POLK: variants seen among roughly 807,000 people sequenced by gnomAD.
POLK encodes DNA polymerase kappa.
In POLK, 76 loss-of-function variants were observed where a neutral mutation model predicts 94.0. The observed-to-expected ratio is 0.81, with a 90% CI of 0.67 to 0.98. The LOEUF (loss-of-function observed/expected upper bound fraction) is 0.98, where lower values mean the gene tolerates loss of function less well. POLK is among the 50% of genes least tolerant of loss of function. The probability of loss-of-function intolerance (pLI) is 0.00; values close to 1 mark genes in which losing one functional copy is unlikely to be tolerated. For missense variants in POLK, 954 were observed against 1,010.1 expected, an observed-to-expected ratio of 0.94 and a Z score of 0.75; for synonymous variants, 349 against 325.4, an observed-to-expected ratio of 1.07 and a Z score of -0.78.
At chr5:75,553,402 C>T (rs1343975632) in intron 3 of POLK, among the ~76,000 whole-genome samples, 1 of 148,128 alleles carries the variant, frequency 6.8e-6, no homozygotes, top group Non-Finnish European at 1.5e-5. Context: ...CTACAAAATC[C>T]TTCTCTTGTG....
At chr5:75,546,951 G>A in intron 1 of POLK, 59 bp from the exon 2 acceptor site, 1 of 865,026 alleles carries the variant, frequency 1.2e-6, no homozygotes, top group Non-Finnish European at 1.7e-6. Context: ...ACGGGCATGA[G>A]CCACCACGCC....
Position 75,589,434 on chromosome 5 carries a change from C to T in POLK, c.1260-910C>T, listed in dbSNP as rs570576924. 1.3e-3 allele frequency among the ~76,000 whole-genome samples: 186 copies of T among 143,644 alleles called. 1 individual carries two copies. The East Asian group carries it at 0.028, about 22-fold the overall frequency. 94.2% of individuals were successfully genotyped at this position (143,644 alleles called of 152,430 possible). The stretch of plus-strand genomic sequence containing the variant: ...ACACACACACACACACACACACACA[C>T]ACACGTGGAATATTTCTTTTTTTTG... On this transcript the variant is annotated intron_variant, in intron 10 of 14. Transcript: ENST00000241436.
intron 6 of POLK, chr5:75,580,533 T>C (rs957863740): frequency 1.2e-4 from 87 of 723,112 alleles, no homozygotes; most frequent in Non-Finnish European, 1.4e-4. Flanking sequence ...TCTCTTTTTC[T>C]TAAACTTGGA....
At chr5:75,597,822 T>A in intron 14 of POLK, 33 bp downstream of exon 14, 1 of 1,377,008 alleles carries the variant, frequency 7.3e-7, no homozygotes. Context: ...TAAAGCTGGC[T>A]ACAATATGAA....
intron 1 of POLK, among the ~76,000 whole-genome samples, chr5:75,523,013 A>G (rs1176332000): frequency 1.3e-5 from 2 of 152,178 alleles, no homozygotes; most frequent in African/African-American, 2.4e-5. Flanking sequence ...CTTCAATTTT[A>G]TTTTACAACC....
intron 3 of POLK, among the ~76,000 whole-genome samples, chr5:75,567,331 A>G (rs867960748): frequency 3.3e-5 from 5 of 152,006 alleles, no homozygotes; most frequent in South Asian, 4.1e-4. Context: ...TTTAGTTTAC[A>G]TTTGTTTTTG....
At chr5:75,526,936 G>A (rs1268450259) in intron 1 of POLK, among the ~76,000 whole-genome samples, 1 of 152,162 alleles carries the variant, frequency 6.6e-6, no homozygotes, top group Non-Finnish European at 1.5e-5. Flanking sequence ...GTAAAAGGTA[G>A]AGGTATCTAA....
At chr5:75,515,681 A>G (rs549633383) in intron 1 of POLK, among the ~76,000 whole-genome samples, 1 of 152,238 alleles carries the variant, frequency 6.6e-6, no homozygotes, top group Non-Finnish European at 1.5e-5. Context: ...AGGAACCTCC[A>G]TACTGTATTC....
chr5:75,570,136 G>A (rs1370916467), intron 4 of POLK, among the ~76,000 whole-genome samples: 1 of 152,130 alleles, frequency 6.6e-6, no homozygotes. Context: ...TGTCTTCCAC[G>A]AAACCAGTCT....
At chr5:75,532,988 C>T (rs1769254787) in intron 1 of POLK, among the ~76,000 whole-genome samples, 1 of 152,118 alleles carries the variant, frequency 6.6e-6, no homozygotes, top group African/African-American at 2.4e-5. Flanking sequence ...GGATATTAGA[C>T]CTTTCTTGGA....
chr5:75,550,430 T>G (rs1188876451), intron 2 of POLK, among the ~76,000 whole-genome samples: 1 of 151,762 alleles, frequency 6.6e-6, no homozygotes, highest in African/African-American at 2.4e-5. Flanking sequence ...AATACAAAAA[T>G]AAGCCAGGCG....
intron 2 of POLK, among the ~76,000 whole-genome samples, chr5:75,547,891 C>T (rs546232099): frequency 6.6e-6 from 1 of 152,242 alleles, no homozygotes; most frequent in South Asian, 2.1e-4. Flanking sequence ...TATAGTATAG[C>T]ATTAATTTGT....
intron 7 of POLK, 111 bp downstream of exon 7, chr5:75,581,559 T>C (rs1169813145): frequency 1.1e-6 from 1 of 919,488 alleles, no homozygotes; most frequent in Non-Finnish European, 1.6e-6. Flanking sequence ...TTTTACTTAC[T>C]TAGTCTTTCA....
chr5:75,553,927 A>G (rs1770460505), intron 3 of POLK, among the ~76,000 whole-genome samples: 2 of 152,182 alleles, frequency 1.3e-5, no homozygotes, highest in African/African-American at 4.8e-5. Context: ...GCTGATTATC[A>G]TTTAGAGACC....
chr5:75,519,808 G>T (rs562050417), intron 1 of POLK, among the ~76,000 whole-genome samples: 1 of 152,072 alleles, frequency 6.6e-6, no homozygotes, highest in Non-Finnish European at 1.5e-5. Flanking sequence ...TGTATGGTTT[G>T]GTCTTGTTTC....
rs1333452100 is a variant in POLK at position 75,587,023 on chromosome 5, A to G, written c.1227-3A>G. On this transcript the variant is annotated splice_polypyrimidine_tract_variant and splice_region_variant and intron_variant, in intron 9 of 14. Coordinates refer to ENST00000241436, the Ensembl canonical transcript of POLK. Reference sequence around the variant, plus strand: ...AATAAAGACCTTTTTTTTTCATTTCAAGGGATGGAGAGAGGAAAAGTATGA... The same window carrying G: ...AATAAAGACCTTTTTTTTTCATTTCGAGGGATGGAGAGAGGAAAAGTATGA... 6.5e-7 allele frequency: 1 copy of G among 1,542,920 alleles called. No individual in the cohort carries two copies. The highest frequency in any genetic ancestry group is 2.3e-5 in the East Asian group (1 of 42,980).
exon 12 of POLK, chr5:75,593,895 T>G (rs1772923455): frequency 6.3e-7 from 1 of 1,583,204 alleles, no homozygotes. Context: ...CTGTTACCAT[T>G]AAGTTGAAGA....
intron 3 of POLK, among the ~76,000 whole-genome samples, chr5:75,563,084 TG>T (rs1321723736): frequency 6.6e-6 from 1 of 152,182 alleles, no homozygotes; most frequent in Non-Finnish European, 1.5e-5. Context: ...TTAGAAGGAA[TG>T]GTACCAGCTC....
At chr5:75,590,353 T>G in exon 11 of POLK, 2 of 1,575,080 alleles carry the variant, frequency 1.3e-6, no homozygotes, top group African/African-American at 1.4e-5. Flanking sequence ...GGACATTCAG[T>G]GAGATAAATA....
Sources: allele counts gnomAD v4.1 joint callset (sites outside exome capture counted in the v4.1 genomes callset), GRCh38; gene constraint gnomAD v4.1.1; transcripts MANE v1.5; gene names NCBI Gene and HGNC (gene_info 2026-07-23, HGNC 2026-07-21).